PTPRT: variants seen among roughly 807,000 people sequenced by gnomAD.
PTPRT encodes receptor-type tyrosine-protein phosphatase T.
In PTPRT, 56 loss-of-function variants were observed where a neutral mutation model predicts 176.8. The ratio of observed to expected loss-of-function variants is 0.32; its 90% CI spans 0.26 to 0.40. PTPRT has a LOEUF of 0.40. Ranked by LOEUF, PTPRT falls within the 10% of genes least tolerant of loss-of-function variation. The probability of loss-of-function intolerance (pLI) is 1.00; values close to 1 mark genes in which losing one functional copy is unlikely to be tolerated. For synonymous variants in PTPRT, 783 were observed against 739.0 expected, an observed-to-expected ratio of 1.06 and a Z score of -0.96; for missense variants, 1,540 against 1,908.2, an observed-to-expected ratio of 0.81 and a Z score of 3.60.
intron 1 of PTPRT, among the ~76,000 whole-genome samples, chr20:43,075,390 T>G (rs74760438): frequency 0.045 from 6,898 of 152,374 alleles, 419 homozygotes; most frequent in African/African-American, 0.14. Flanking sequence ...AGCGCTGGAA[T>G]GAGGCATGCG....
intron 15 of PTPRT, among the ~76,000 whole-genome samples, chr20:42,225,251 C>T (rs1250509385): frequency 6.6e-6 from 1 of 152,072 alleles, no homozygotes; most frequent in African/African-American, 2.4e-5. Context: ...TCTCTCCTCT[C>T]TCCTCTCTCT....
intron 7 of PTPRT, among the ~76,000 whole-genome samples, chr20:42,620,736 C>G (rs986086948): frequency 2.0e-5 from 3 of 152,172 alleles, no homozygotes; most frequent in African/African-American, 7.2e-5. Context: ...TCTTTGACTT[C>G]GAAAGGGAAC....
intron 6 of PTPRT, among the ~76,000 whole-genome samples, chr20:42,692,191 A>G (rs1039947293): frequency 6.6e-6 from 1 of 152,206 alleles, no homozygotes; most frequent in Non-Finnish European, 1.5e-5. Context: ...TTACTTCCAA[A>G]CTTACTTTAC....
intron 9 of PTPRT, among the ~76,000 whole-genome samples, chr20:42,429,647 C>A (rs537730260): frequency 1.3e-5 from 2 of 152,198 alleles, no homozygotes; most frequent in Non-Finnish European, 2.9e-5. Context: ...GTAGCAGCAC[C>A]ACTGCCATTC....
intron 12 of PTPRT, among the ~76,000 whole-genome samples, chr20:42,294,236 A>G (rs2057356536): frequency 6.6e-6 from 1 of 152,184 alleles, no homozygotes; most frequent in African/African-American, 2.4e-5. Flanking sequence ...ACTACACATG[A>G]AAGTGCTAAA....
intron 7 of PTPRT, among the ~76,000 whole-genome samples, chr20:42,620,707 G>A (rs866435006): frequency 2.9e-4 from 44 of 152,184 alleles, no homozygotes; most frequent in Admixed American, 1.6e-3. Flanking sequence ...CAATTTTCCA[G>A]GTGCGTCAGT....
At chr20:42,041,930 C>T in the PTPRT span, among the ~76,000 whole-genome samples, 8 of 152,080 alleles carry the variant, frequency 5.3e-5, no homozygotes, top group East Asian at 1.9e-4. Flanking sequence ...AGCTTCAATC[C>T]CTATTAAATA....
chr20:42,650,336 T>A lies in PTPRT; in HGVS notation c.1153+27530A>T, dbSNP rs148119547. ...GGTTTCTGCACAAATCACTGCCAGA[T>A]GCTATTAACAAGGCAGTATCCTCCC... On this transcript the variant is annotated intron_variant, in intron 7 of 30. Coordinates refer to ENST00000373187, the MANE Select transcript of PTPRT (RefSeq NM_007050.6). Among the ~76,000 whole-genome samples the A allele has an allele frequency of 1.8e-3, 272 of 152,248 alleles. 2 individuals carry two copies. The highest frequency in any genetic ancestry group is 3.0e-3 in the Admixed American group (46 of 15,300).
chr20:42,826,661 T>C (rs753727745), intron 2 of PTPRT, among the ~76,000 whole-genome samples: 2 of 152,180 alleles, frequency 1.3e-5, no homozygotes, highest in East Asian at 3.9e-4. Flanking sequence ...GCTGGCATGA[T>C]AACCAACTAA....
At chr20:42,855,178 T>C (rs886752142) in intron 2 of PTPRT, among the ~76,000 whole-genome samples, 7 of 152,156 alleles carry the variant, frequency 4.6e-5, no homozygotes, top group Non-Finnish European at 1.0e-4. Context: ...TCATACTGGC[T>C]ATGAAAGAGT....
At chr20:42,397,197 A>G (rs2058859547) in intron 9 of PTPRT, among the ~76,000 whole-genome samples, 1 of 152,260 alleles carries the variant, frequency 6.6e-6, no homozygotes, top group Non-Finnish European at 1.5e-5. Flanking sequence ...TGGTGAATAA[A>G]TGAAAATATT....
At position 42,984,172 on chromosome 20, in the gene PTPRT, G is replaced by A. The variant is rs188219927; in HGVS notation, c.89-98240C>T. Among the ~76,000 whole-genome samples the A allele has an allele frequency of 5.9e-4, 90 of 152,340 alleles. 2 individuals are homozygous for A. The highest frequency in any genetic ancestry group is 2.5e-4 in the Non-Finnish European group (17 of 68,034). ...TAAGCAGGTATGTTCATATATGAAT[G>A]CACATGTATGTACAAACATGAGTGT... On this transcript the variant is annotated intron_variant, in intron 1 of 30. Transcript: ENST00000373187.
intron 9 of PTPRT, among the ~76,000 whole-genome samples, chr20:42,405,810 CA>C (rs2058955834): frequency 6.6e-6 from 1 of 152,168 alleles, no homozygotes; most frequent in Non-Finnish European, 1.5e-5. Flanking sequence ...GTCCCACCAA[CA>C]GTGTAAAAGT....
At chr20:42,854,085 A>G (rs73907285) in intron 2 of PTPRT, among the ~76,000 whole-genome samples, 3,319 of 152,282 alleles carry the variant, frequency 0.022, 96 homozygotes, top group African/African-American at 0.063. Flanking sequence ...ATTACGGCTC[A>G]CAATACCTCG....
At chr20:42,069,160 A>G (rs533482399), downstream of PTPRT, among the ~76,000 whole-genome samples, 1 of 152,340 alleles carries the variant, frequency 6.6e-6, no homozygotes, top group East Asian at 1.9e-4. Flanking sequence ...TCTGACTTGC[A>G]GAGAACCATG....
rs558731274 is a variant in PTPRT at position 43,079,538 on chromosome 20, A to T, written c.88+110108T>A. Among the ~76,000 whole-genome samples, 12 of 152,288 alleles carry T rather than the reference A, an allele frequency of 7.9e-5. No homozygotes were observed. The South Asian group carries it at 8.3e-4, about 11-fold the overall frequency. The stretch of plus-strand genomic sequence containing the variant: ...CTTCCTTCCTATCCATAAACATGGT[A>T]TATCTCTCTGCCTTCTTTCATACCC... On this transcript the variant is annotated intron_variant, in intron 1 of 30. Transcript: ENST00000373187.
chr20:42,055,516 A>G, the PTPRT span, among the ~76,000 whole-genome samples: 3 of 152,364 alleles, frequency 2.0e-5, no homozygotes, highest in South Asian at 6.2e-4. Context: ...AGAGCAAACA[A>G]AAAAGATTTG....
chr20:42,044,548 T>C, the PTPRT span, among the ~76,000 whole-genome samples: 6 of 152,280 alleles, frequency 3.9e-5, no homozygotes, highest in Admixed American at 2.0e-4. Context: ...CAGAGTTAAG[T>C]CATGGGAGTG....
At chr20:42,764,249 G>A (rs2076953659) in intron 5 of PTPRT, among the ~76,000 whole-genome samples, 1 of 152,136 alleles carries the variant, frequency 6.6e-6, no homozygotes. Flanking sequence ...GCCACTCCTT[G>A]GAAGAGGTGG....
Sources: allele counts gnomAD v4.1 joint callset (sites outside exome capture counted in the v4.1 genomes callset), GRCh38; gene constraint gnomAD v4.1.1; transcripts MANE v1.5; gene names NCBI Gene and HGNC (gene_info 2026-07-23, HGNC 2026-07-21).